The following SNED1 variants were observed in gnomAD, a reference collection of about 807,000 sequenced individuals.
The protein encoded by SNED1 is sushi, nidogen and EGF-like domain-containing protein 1.
Under a neutral mutation model 166.7 loss-of-function variants are expected in SNED1, and 81 were observed. The ratio of observed to expected loss-of-function variants is 0.49; its 90% CI spans 0.41 to 0.58. The LOEUF (loss-of-function observed/expected upper bound fraction) is 0.58, where lower values mean the gene tolerates loss of function less well. SNED1 is among the 20% of genes least tolerant of loss of function. SNED1 has a pLI of 0.00. For synonymous variants in SNED1, 762 were observed against 822.0 expected, an observed-to-expected ratio of 0.93 and a Z score of 1.25; for missense variants, 1,604 against 2,000.2, an observed-to-expected ratio of 0.80 and a Z score of 3.78.
At chr2:241,032,542 A>T (rs2061217530) in intron 2 of SNED1, among the ~76,000 whole-genome samples, 1 of 152,040 alleles carries the variant, frequency 6.6e-6, no homozygotes, top group Non-Finnish European at 1.5e-5. Context: ...GTAAATGACT[A>T]GGTAATGGGT....
chr2:241,070,303 G>A (rs2062644160), intron 24 of SNED1, 102 bp downstream of exon 24: 6 of 1,251,090 alleles, frequency 4.8e-6, no homozygotes, highest in Non-Finnish European at 6.5e-6. Flanking sequence ...ATGCCAGGCA[G>A]ACAGCCTAGA....
chr2:241,022,092 T>C (rs1310352086), intron 1 of SNED1, among the ~76,000 whole-genome samples: 1 of 152,256 alleles, frequency 6.6e-6, no homozygotes, highest in African/African-American at 2.4e-5. Flanking sequence ...CTTTTATTAT[T>C]GAGTTGTAAT....
chr2:241,062,683 G>A, intron 16 of SNED1, 108 bp from the exon 17 acceptor site: 1 of 772,458 alleles, frequency 1.3e-6, no homozygotes. Context: ...TCCAACCACT[G>A]ATGATGTATC....
Position 240,999,103 on chromosome 2 carries a change from C to T in SNED1, c.213+53C>T. ...CCCGGGAGGGGAGGGAGCTGCGCCCCGGCCGCTGCCCGCCGGGCCCGGACT... is the reference window on the plus strand; with the variant it reads ...CCCGGGAGGGGAGGGAGCTGCGCCCTGGCCGCTGCCCGCCGGGCCCGGACT... On this transcript the variant is annotated intron_variant, in intron 1 of 31. Transcript: ENST00000310397. The surrounding 1 kb of genome is among the most constrained non-coding windows in gnomAD (Gnocchi z 5.8). The T allele has an allele frequency of 1.8e-6, 2 of 1,115,440 alleles. No homozygotes were observed. The highest frequency in any genetic ancestry group is 3.5e-5 in the South Asian group (1 of 28,288). The allele number at this position is 1,115,440 out of a possible 1,614,324, so 69.1% of individuals were successfully genotyped here. A position where few individuals can be genotyped will look rare whatever the true frequency, so the allele number is the denominator to read the frequency against.
chr2:241,040,736 C>A (rs1574962686), intron 8 of SNED1: 24 of 470,576 alleles, frequency 5.1e-5, no homozygotes, highest in South Asian at 3.7e-4. Context: ...GTTCACAAGT[C>A]TCCTCTTCCA....
At chr2:241,048,913 T>C in intron 10 of SNED1, 109 bp from the exon 11 acceptor site, 1 of 1,212,426 alleles carries the variant, frequency 8.2e-7, no homozygotes, top group Non-Finnish European at 1.2e-6. Context: ...CAAGAGTGCC[T>C]GAACCTGTTG....
At position 241,065,336 on chromosome 2, in the gene SNED1, G is replaced by A; in HGVS notation, c.2751G>A (p.Val917=). The A allele has an allele frequency of 6.2e-7, 1 of 1,612,982 alleles. No individual in the cohort carries two copies. Among genetic ancestry groups the A allele is most frequent in the Non-Finnish European group, 8.5e-7 (1 of 1,179,846 alleles). The part of the protein sequence containing the change: ...FPPTALKMER[V]EESGVSISWN... ...CGACGGCCCTCAAGATGGAGAGAGT[G>A]GAGGAGAGTGGGGTCTCTATCTCCT... Residue 917 remains valine (V), a synonymous_variant, in exon 21 of 32, where the codon GTG becomes GTA. Transcript: ENST00000310397.
At position 240,999,296 on chromosome 2, in the gene SNED1, C is replaced by T. The variant is rs1370815257; in HGVS notation, c.213+246C>T. On this transcript the variant is annotated intron_variant, in intron 1 of 31. Transcript: ENST00000310397. This position sits in a 1 kb window ranked among gnomAD's most constrained non-coding sequence, Gnocchi z 5.8. ...AGGCGGGGGCGAGTGGAGCGCGGCG[C>T]CCCGGCCCCTGCCAGACCTGCCGAG... Among the ~76,000 whole-genome samples, 3 of 151,276 alleles carry T rather than the reference C, an allele frequency of 2.0e-5. No individual in the cohort carries two copies. The highest frequency in any genetic ancestry group is 2.0e-4 in the Admixed American group (3 of 15,202).
At chr2:241,001,927 C>G (rs2060088881) in intron 1 of SNED1, among the ~76,000 whole-genome samples, 1 of 152,162 alleles carries the variant, frequency 6.6e-6, no homozygotes, top group African/African-American at 2.4e-5. Context: ...GTCAGACTGA[C>G]CCTCGCTGGT....
chr2:241,093,977 A>T lies in SNED1; in HGVS notation c.*2341A>T, dbSNP rs1010761823. On this transcript the variant is annotated 3_prime_UTR_variant, in exon 32 of 32. Transcript: ENST00000310397. ...GAAACCGGGATGGACTGATCATCTA[A>T]CCAAGTGCAGACTGAGGATTCTACT... The T allele has an allele frequency of 9.9e-6, 2 of 202,922 alleles. No individual in the cohort carries two copies. The highest frequency in any genetic ancestry group is 4.7e-5 in the African/African-American group (2 of 42,368). The allele number at this position is 202,922 out of a possible 1,614,324, so 12.6% of individuals were successfully genotyped here.
intron 1 of SNED1, chr2:241,015,691 G>A (rs568823799): frequency 5.2e-5 from 9 of 171,858 alleles, no homozygotes; most frequent in African/African-American, 7.2e-5. Context: ...GTCTCATAGC[G>A]GTGGTGTTGG....
Position 241,070,070 on chromosome 2 carries a change from A to C in SNED1, c.3458A>C (p.Asn1153Thr). ...AGCACCAAGAGCCGCTATGTCCCCA[A>C]CGGGAAGCTGGCGTCCTACACGGTG... ...SQSTKSRYVPNGKLASYTVRD... is the reference protein window; with the variant it reads ...SQSTKSRYVPTGKLASYTVRD... The change falls in exon 24 of 32, where the codon AAC becomes ACC. Residue 1153 changes from asparagine to threonine, a missense_variant. Asn to Thr is a moderately conservative substitution (Grantham distance 65). Transcript: ENST00000310397. The C allele has an allele frequency of 1.2e-6, 2 of 1,613,052 alleles. No homozygotes were observed. The highest frequency in any genetic ancestry group is 1.7e-6 in the Non-Finnish European group (2 of 1,179,876).
rs1349239647 is a variant in SNED1, at chr2:241,013,794, G to C, written c.213+14744G>C. 6.6e-6 allele frequency among the ~76,000 whole-genome samples: 1 copy of C among 152,102 alleles called. No individual in the cohort carries two copies. The highest frequency in any genetic ancestry group is 1.5e-5 in the Non-Finnish European group (1 of 68,014). The stretch of plus-strand genomic sequence containing the variant: ...ATAATATTCCCTTGTGTGTACATAT[G>C]TCTGTATATATACACCACATTTTGT... On this transcript the variant is annotated intron_variant, in intron 1 of 31. Coordinates refer to ENST00000310397, the MANE Select transcript of SNED1 (RefSeq NM_001080437.3). This position sits in a 1 kb window ranked among gnomAD's most constrained non-coding sequence, Gnocchi z 4.6.
chr2:241,050,048 A>G (rs2061787931), intron 12 of SNED1, 115 bp downstream of exon 12: 1 of 785,534 alleles, frequency 1.3e-6, no homozygotes, highest in African/African-American at 1.7e-5. Context: ...GACCTCGTCT[A>G]GAGCCTTGCC....
At chr2:241,000,600 AG>A (rs2060049829) in intron 1 of SNED1, among the ~76,000 whole-genome samples, 1 of 152,222 alleles carries the variant, frequency 6.6e-6, no homozygotes, top group African/African-American at 2.4e-5. Flanking sequence ...TCACAGTCAC[AG>A]GTGAAAATAT....
Position 241,040,107 on chromosome 2 carries a change from C to T in SNED1, c.1078C>T (p.His360Tyr), listed in dbSNP as rs1273256256. Residue 360 changes from histidine (H) to tyrosine (Y), a missense_variant, in exon 7 of 32, where the codon CAT becomes TAT. His to Tyr is a moderately conservative substitution (Grantham distance 83). Around this residue, in one of 2 missense-constraint regions of SNED1, gnomAD observed 1,237 missense variants for 1,620.8 expected, o/e 0.76. Transcript: ENST00000310397. ...CCCCTGTGACACCAAAGAGTGTCAA[C>T]ATGGTGGCCAGTGCCAGGTGGAGAA... The part of the protein sequence containing the change: ...QSPCDTKECQ[H>Y]GGQCQVENGS... 1 of 1,597,774 alleles carries T rather than the reference C, an allele frequency of 6.3e-7. No homozygotes were observed. The highest frequency in any genetic ancestry group is 1.3e-5 in the African/African-American group (1 of 74,626).
chr2:241,091,526 C>CCCCGTGTGCACTGCCATATGGTAGAA lies in SNED1; in HGVS notation c.*2-112_*2-111insCCCGTGTGCACTGCCATATGGTAGAA, dbSNP rs1279561073. 4.9e-4 allele frequency: 75 copies of CCCCGTGTGCACTGCCATATGGTAGAA among 151,948 alleles called. No homozygotes were observed. The highest frequency in any genetic ancestry group is 3.4e-3 in the Middle Eastern group (1 of 292). 9.4% of individuals were successfully genotyped at this position (151,948 alleles called of 1,614,324 possible). The stretch of plus-strand genomic sequence containing the variant: ...TGGTGCTCTAAGAACGTGGGGTCCT[C>CCCCGTGTGCACTGCCATATGGTAGAA]TGGGTGACAGAGGCCCTGAGGGCCA... On this transcript the variant is annotated intron_variant, in intron 31 of 31. Coordinates refer to ENST00000310397, the MANE Select transcript of SNED1 (RefSeq NM_001080437.3). The surrounding 1 kb of genome is among the most constrained non-coding windows in gnomAD (Gnocchi z 4.1).
rs750587424 is a variant in SNED1, at chr2:241,053,222, C to T, written c.2153C>T (p.Ala718Val). ...TLRFNGTRLG[A>V]VALYACDRGY... ...CGCTTCAACGGCACGCGGCTGGGCG[C>T]GGTGGCCCTGTATGCATGTGACCGT... The change falls in exon 16 of 32, where the codon GCG becomes GTG. Residue 718 changes from alanine to valine, a missense_variant. Around this residue, in one of 2 missense-constraint regions of SNED1, gnomAD observed 1,237 missense variants for 1,620.8 expected, o/e 0.76. Transcript: ENST00000310397. The T allele has an allele frequency of 1.9e-6, 3 of 1,609,288 alleles. No individual in the cohort carries two copies. Among genetic ancestry groups the T allele is most frequent in the Non-Finnish European group, 2.5e-6 (3 of 1,179,354 alleles).
intron 1 of SNED1, among the ~76,000 whole-genome samples, chr2:241,019,551 C>T (rs558494485): frequency 6.6e-6 from 1 of 152,318 alleles, no homozygotes; most frequent in Non-Finnish European, 1.5e-5. Context: ...GAGACTTTAG[C>T]CTGGTATGTG....
Sources: allele counts gnomAD v4.1 joint callset (sites outside exome capture counted in the v4.1 genomes callset), GRCh38; gene constraint gnomAD v4.1.1; regional missense constraint gnomAD v4.1.1; non-coding constraint Gnocchi (gnomAD v3.1); transcripts MANE v1.5; gene names NCBI Gene and HGNC (gene_info 2026-07-23, HGNC 2026-07-21).